SLC28A3: variants seen among roughly 807,000 people sequenced by gnomAD.
SLC28A3 encodes the protein solute carrier family 28 member 3.
SLC28A3 carries 68 observed loss-of-function variants against 84.2 expected under a neutral mutation model. The ratio of observed to expected loss-of-function variants is 0.81; its 90% CI spans 0.66 to 0.99. The LOEUF (loss-of-function observed/expected upper bound fraction) is 0.99. Ranked by LOEUF, SLC28A3 falls within the 50% of genes least tolerant of loss-of-function variation. The probability of loss-of-function intolerance (pLI) is 0.00; values close to 1 mark genes in which losing one functional copy is unlikely to be tolerated. For missense variants in SLC28A3, 712 were observed against 841.5 expected, an observed-to-expected ratio of 0.85 and a Z score of 1.90; for synonymous variants, 267 against 303.6, an observed-to-expected ratio of 0.88 and a Z score of 1.25.
chr9:84,354,971 C>T, the SLC28A3 span, among the ~76,000 whole-genome samples: 21 of 151,950 alleles, frequency 1.4e-4, no homozygotes, highest in African/African-American at 4.6e-4. Flanking sequence ...AACTAAATAG[C>T]CCCAGTTGTT....
At chr9:84,351,542 C>A in the SLC28A3 span, among the ~76,000 whole-genome samples, 1 of 152,058 alleles carries the variant, frequency 6.6e-6, no homozygotes, top group East Asian at 1.9e-4. Flanking sequence ...GCCTATAGTA[C>A]CAGCTACTCA....
chr9:84,303,326 TTTTG>T (rs1588587715), intron 4 of SLC28A3, among the ~76,000 whole-genome samples: 2 of 152,186 alleles, frequency 1.3e-5, no homozygotes, highest in African/African-American at 2.4e-5. Context: ...TCTTTAGAGT[TTTTG>T]TTTGTTTGAT....
chr9:84,287,561 G>A (rs1176708041), intron 12 of SLC28A3, among the ~76,000 whole-genome samples: 1 of 152,096 alleles, frequency 6.6e-6, no homozygotes, highest in Non-Finnish European at 1.5e-5. Context: ...TTGACATTAG[G>A]TATTTAGAGA....
Position 84,292,512 on chromosome 9 carries a change from C to G in SLC28A3, c.1023+156G>C, listed in dbSNP as rs553443375. On this transcript the variant is annotated intron_variant, in intron 10 of 17. Coordinates refer to ENST00000376238, the MANE Select transcript of SLC28A3 (RefSeq NM_001199633.2). ...CTCTCTCTCTGTCTCTCTCTCTTCT[C>G]CCCCTGGAATCCGGACATTGCCAAT... The G allele has an allele frequency of 6.0e-4, 335 of 556,752 alleles. 7 individuals are homozygous for G. The South Asian group carries it at 7.7e-3, about 13-fold the overall frequency. 34.5% of individuals were successfully genotyped at this position (556,752 alleles called of 1,614,324 possible). A position where few individuals can be genotyped will look rare whatever the true frequency, so the allele number is the denominator to read the frequency against.
upstream of SLC28A3, among the ~76,000 whole-genome samples, chr9:84,345,065 GATAAA>G (rs1352550040): frequency 6.6e-6 from 1 of 152,148 alleles, no homozygotes; most frequent in Non-Finnish European, 1.5e-5. Context: ...GTGCTGAGAT[GATAAA>G]ATGAGTTAAT....
At chr9:84,288,209 G>C in intron 11 of SLC28A3, 31 bp from the exon 12 acceptor site, 1 of 1,612,984 alleles carries the variant, frequency 6.2e-7, no homozygotes, top group Non-Finnish European at 8.5e-7. Flanking sequence ...AGGCAAACCT[G>C]GGATTAGCTT....
Position 84,287,931 on chromosome 9 carries a change from C to T in SLC28A3, c.1280+117G>A, listed in dbSNP as rs892477573. On this transcript the variant is annotated intron_variant, in intron 12 of 17. Coordinates refer to ENST00000376238, the MANE Select transcript of SLC28A3 (RefSeq NM_001199633.2). Reference sequence around the variant, plus strand: ...GAAGTCTAAATAGTCTTTGGACTAACTTTAATATTGTAATTCACTGTGCTT... The same window carrying T: ...GAAGTCTAAATAGTCTTTGGACTAATTTTAATATTGTAATTCACTGTGCTT... The T allele has an allele frequency of 8.1e-6, 11 of 1,353,624 alleles. No individual in the cohort carries two copies. The African/African-American group carries it at 1.6e-4, about 20-fold the overall frequency. The allele number at this position is 1,353,624 out of a possible 1,614,324, so 83.9% of individuals were successfully genotyped here.
At chr9:84,283,040 C>A (rs555581381) in intron 14 of SLC28A3, among the ~76,000 whole-genome samples, 2 of 146,816 alleles carry the variant, frequency 1.4e-5, no homozygotes. Context: ...TAGTTCAGTT[C>A]AGCTGGCTTC....
intron 15 of SLC28A3, among the ~76,000 whole-genome samples, 170 bp downstream of exon 15, chr9:84,280,631 G>A (rs1391775035): frequency 6.6e-6 from 1 of 152,164 alleles, no homozygotes; most frequent in African/African-American, 2.4e-5. Flanking sequence ...CAGTTTGGGT[G>A]TGCAAGGGAA....
upstream of SLC28A3, among the ~76,000 whole-genome samples, chr9:84,341,665 T>C (rs1296961088): frequency 6.6e-6 from 1 of 152,178 alleles, no homozygotes; most frequent in African/African-American, 2.4e-5. Flanking sequence ...TGCCGATATG[T>C]GACAAGTAAA....
intron 1 of SLC28A3, among the ~76,000 whole-genome samples, chr9:84,327,177 G>A (rs1826594731): frequency 6.6e-6 from 1 of 151,806 alleles, no homozygotes; most frequent in Non-Finnish European, 1.5e-5. Context: ...CTTTTTCTGT[G>A]ACCATTAGGG....
the SLC28A3 span, among the ~76,000 whole-genome samples, chr9:84,366,235 T>A: frequency 1.3e-5 from 2 of 152,098 alleles, no homozygotes; most frequent in African/African-American, 4.8e-5. Flanking sequence ...AATTTCTGCT[T>A]ATTTTAAACT....
At position 84,294,267 on chromosome 9, in the gene SLC28A3, C is replaced by T. The variant is rs11568391; in HGVS notation, c.870G>A (p.Pro290=). Residue 290 remains proline (P), a synonymous_variant, in exon 9 of 18, where the codon CCG becomes CCA. Coordinates refer to ENST00000376238, the MANE Select transcript of SLC28A3 (RefSeq NM_001199633.2). ...TCACAGTGCTGAAGAAAACCACGAT[C>T]GGCAGGACCTGTGGGGACAGAAACA... ...KDHFFAFKVL[P]IVVFFSTVMS... 1.0e-3 allele frequency: 1,642 copies of T among 1,614,106 alleles called. 9 individuals are homozygous for T. In the Admixed American group the frequency reaches 0.015, roughly 15 times the overall value.
chr9:84,295,105 G>A (rs1201033669), intron 8 of SLC28A3, among the ~76,000 whole-genome samples: 1 of 152,108 alleles, frequency 6.6e-6, no homozygotes, highest in Non-Finnish European at 1.5e-5. Context: ...GCTGGCTCCA[G>A]GTCTTTTCTT....
the SLC28A3 span, among the ~76,000 whole-genome samples, chr9:84,354,253 T>C: frequency 6.6e-6 from 1 of 152,302 alleles, no homozygotes; most frequent in Admixed American, 6.5e-5. Context: ...CCAACCCTCA[T>C]AGAGGACACT....
chr9:84,285,526 A>T lies in SLC28A3; in HGVS notation c.1466T>A (p.Ile489Asn). 6.2e-7 allele frequency: 1 copy of T among 1,614,196 alleles called. No individual in the cohort carries two copies. Among genetic ancestry groups the T allele is most frequent in the Non-Finnish European group, 8.5e-7 (1 of 1,180,024 alleles). The part of the protein sequence containing the change: ...QLSFELICSY[I>N]FMPFSFMMGV... ...CATCATGAAGGAAAAGGGCATGAAGATGTAGGAGCAGATTAGCTACAGAAA... is the reference window on the plus strand; with the variant it reads ...CATCATGAAGGAAAAGGGCATGAAGTTGTAGGAGCAGATTAGCTACAGAAA... Residue 489 changes from isoleucine to asparagine, a missense_variant, in exon 14 of 18, where the codon ATC becomes AAC. Ile to Asn is a moderately radical substitution (Grantham distance 149). Coordinates refer to ENST00000376238, the MANE Select transcript of SLC28A3 (RefSeq NM_001199633.2).
chr9:84,355,983 T>G, the SLC28A3 span, among the ~76,000 whole-genome samples: 4 of 151,922 alleles, frequency 2.6e-5, no homozygotes, highest in East Asian at 5.8e-4. Flanking sequence ...CCCAGCTAAT[T>G]TTTTTTAAAA....
Position 84,279,881 on chromosome 9 carries a change from G to T in SLC28A3, c.1828+94C>A, listed in dbSNP as rs1824671794. The T allele has an allele frequency of 9.3e-6, 11 of 1,185,814 alleles. No individual in the cohort carries two copies. The South Asian group carries it at 1.5e-4, about 16-fold the overall frequency. The allele number at this position is 1,185,814 out of a possible 1,614,324, so 73.5% of individuals were successfully genotyped here. On this transcript the variant is annotated intron_variant, in intron 16 of 17. Transcript: ENST00000376238. ...CTCTAACTCTCAGCTTTCTGTGGCA[G>T]CGTGTGCTGCACATGCAAGCTGGAG...
chr9:84,305,788 G>A (rs1825770334), intron 3 of SLC28A3, among the ~76,000 whole-genome samples: 1 of 152,172 alleles, frequency 6.6e-6, no homozygotes, highest in Admixed American at 6.5e-5. Context: ...GTTTGAGCAA[G>A]TTGGTGGTGC....
Sources: gnomAD v4.1 joint callset for allele counts (sites outside exome capture counted in the v4.1 genomes callset) on GRCh38, gnomAD v4.1.1 for gene constraint, MANE v1.5 for transcripts, NCBI Gene and HGNC (gene_info 2026-07-23, HGNC 2026-07-21) for gene names.